The following MKI67 variants were observed in gnomAD, a reference collection of about 807,000 sequenced individuals.
MKI67 encodes proliferation marker protein Ki-67.
In MKI67, 152 loss-of-function variants were observed where a neutral mutation model predicts 233.5. The observed-to-expected ratio is 0.65, with a 90% CI of 0.57 to 0.74. The LOEUF is 0.74. MKI67 is among the 30% of genes least tolerant of loss of function. The probability of loss-of-function intolerance (pLI) is 0.00; values close to 1 mark genes in which losing one functional copy is unlikely to be tolerated. For missense variants in MKI67, 3,940 were observed against 3,885.2 expected (o/e 1.01, Z -0.37); for synonymous variants, 1,465 against 1,418.5 (o/e 1.03, Z -0.74).
rs920281135 is a variant in MKI67, at chr10:128,106,132, G to A, written c.5708C>T (p.Ala1903Val). ...TACTGCTGCTTTAGGCGTGTGCATG[G>A]CTTTGCCTGCTGATGGTGTTAGTTT... Reference protein sequence around the residue: ...FRKLTPSAGKAMHTPKAAVGE... With the variant: ...FRKLTPSAGKVMHTPKAAVGE... The change falls in exon 13 of 15, where the codon GCC (alanine) becomes GTC (valine). Residue 1903 changes from alanine (A) to valine (V), a missense_variant. Transcript: ENST00000368654. 2 of 1,614,056 alleles carry A rather than the reference G, an allele frequency of 1.2e-6. No homozygotes were observed. Among genetic ancestry groups the A allele is most frequent in the Non-Finnish European group, 1.7e-6 (2 of 1,180,034 alleles).
rs1406487092 is a variant in MKI67, at chr10:128,105,905, C to T, written c.5935G>A (p.Val1979Ile). ...TCTGGTTGTGGAGATTTGCAGGATA[C>T]TTCTGTGATTTTGTCATCGGTCATT... ...ESMTDDKITEVSCKSPQPDPV... is the reference protein window; with the variant it reads ...ESMTDDKITEISCKSPQPDPV... Residue 1979 changes from valine (V) to isoleucine (I), a missense_variant, in exon 13 of 15, where the codon GTA becomes ATA. Transcript: ENST00000368654. The T allele has an allele frequency of 3.1e-6, 5 of 1,612,718 alleles. No homozygotes were observed. The South Asian group carries it at 5.5e-5, about 18-fold the overall frequency.
At chr10:128,122,860 G>C in intron 4 of MKI67, 21 bp downstream of exon 4, 1 of 1,239,966 alleles carries the variant, frequency 8.1e-7, no homozygotes, top group Non-Finnish European at 1.2e-6. Flanking sequence ...TTTACTGTTA[G>C]ACCAATCAGC....
rs2136129125 is a variant in MKI67 at position 128,104,409 on chromosome 10, G to A, written c.7431C>T (p.Ser2477=). The change falls in exon 13 of 15, where the codon AGC becomes AGT. Residue 2477 remains serine, a synonymous_variant. Transcript: ENST00000368654. ...GGGGTATCTTGAGCCTTTGCTTGGAGCTTCTTGAGGTTTTGAATGACTCTG... is the reference window on the plus strand; with the variant it reads ...GGGGTATCTTGAGCCTTTGCTTGGAACTTCTTGAGGTTTTGAATGACTCTG... The part of the protein sequence containing the change: ...PQPESFKTSR[S]SKQRLKIPLV... 2 of 1,613,994 alleles carry A rather than the reference G, an allele frequency of 1.2e-6. No individual in the cohort carries two copies. The highest frequency in any genetic ancestry group is 2.2e-5 in the South Asian group (2 of 91,070).
Position 128,105,825 on chromosome 10 carries a change from T to C in MKI67, c.6015A>G (p.Lys2005=). Reference sequence around the variant, plus strand: ...GTAGGACCTCTTCTTTCACACCTACTTTCCCCAAGGATATCTTGAGTCGTT... The same window carrying C: ...GTAGGACCTCTTCTTTCACACCTACCTTCCCCAAGGATATCTTGAGTCGTT... The part of the protein sequence containing the change: ...SKQRLKISLG[K]VGVKEEVLPV... Residue 2005 remains lysine, a synonymous_variant, in exon 13 of 15, where the codon AAA becomes AAG. Transcript: ENST00000368654. 1 of 1,614,214 alleles carries C rather than the reference T, an allele frequency of 6.2e-7. No homozygotes were observed.
At chr10:128,111,239 G>A (rs1852668227) in intron 11 of MKI67, among the ~76,000 whole-genome samples, 1 of 152,162 alleles carries the variant, frequency 6.6e-6, no homozygotes, top group Non-Finnish European at 1.5e-5. Flanking sequence ...AGAAAGTTAA[G>A]CTACCTAGAA....
In MKI67 at chr10:128,104,175, A is replaced by G; in HGVS notation, c.7665T>C (p.Ala2555=). The part of the protein sequence containing the change: ...QLRTRKEKAR[A]LEDLVDFKEL... ...CTTTGAAGTCAACCAGGTCTTCTAG[A>G]GCACGGGCCTTTTCCTTACGAGTTC... Residue 2555 remains alanine (A), a synonymous_variant, in exon 13 of 15, where the codon GCT becomes GCC. Transcript: ENST00000368654. 1 of 1,613,802 alleles carries G rather than the reference A, an allele frequency of 6.2e-7. No homozygotes were observed. Among genetic ancestry groups the G allele is most frequent in the Non-Finnish European group, 8.5e-7 (1 of 1,179,948 alleles).
In MKI67 at chr10:128,106,264, CAG is replaced by C; in HGVS notation, c.5574_5575del (p.Cys1859GlnfsTer49). ...CGCTGGGTCTGATTGCGGAGATTTG[CAG>C]AGTATTTTTTTGGTAGTTTTCTCAT... is the stretch of plus-strand genomic sequence containing the variant. On this transcript the variant is annotated frameshift_variant, in exon 13 of 15. Transcript: ENST00000368654. LOFTEE classifies it high-confidence loss of function. 1 of 1,612,508 alleles carries C rather than the reference CAG, an allele frequency of 6.2e-7. No individual in the cohort carries two copies. The highest frequency in any genetic ancestry group is 8.5e-7 in the Non-Finnish European group (1 of 1,179,642).
rs1042756194 is a variant in MKI67, at chr10:128,104,799, T to C, written c.7041A>G (p.Pro2347=). ...TTKIACKSPQ[P]DPVDTPASTK... is the part of the protein sequence containing the mutation. ...TGCTTGCTGGGGTGTCCACTGGGTC[T>C]GGTTGTGGAGATTTGCAGGCTATTT... is the stretch of plus-strand genomic sequence containing the variant. Residue 2347 remains proline, a synonymous_variant, in exon 13 of 15, where the codon CCA becomes CCG. Transcript: ENST00000368654. 2 of 1,613,598 alleles carry C rather than the reference T, an allele frequency of 1.2e-6. No homozygotes were observed. The highest frequency in any genetic ancestry group is 2.7e-5 in the African/African-American group (2 of 74,718).
rs61729184 is a variant in MKI67 at position 128,105,627 on chromosome 10, T to C, written c.6213A>G (p.Gln2071=). ...RWPRTPKEEA[Q]SLEDLAGFKE... is the part of the protein sequence containing the mutation. ...TGAAGCCGGCCAGGTCTTCTAGTGATTGGGCCTCTTCCTTAGGTGTTCTTG... is the reference window on the plus strand; with the variant it reads ...TGAAGCCGGCCAGGTCTTCTAGTGACTGGGCCTCTTCCTTAGGTGTTCTTG... The change falls in exon 13 of 15, where the codon CAA becomes CAG. Residue 2071 remains glutamine, a synonymous_variant. Coordinates refer to ENST00000368654, the MANE Select transcript of MKI67 (RefSeq NM_002417.5). 3,291 of 1,612,320 alleles carry C rather than the reference T, an allele frequency of 2.0e-3. 63 individuals carry two copies. The African/African-American group carries it at 0.039, about 19-fold the overall frequency.
rs772499094 is a variant in MKI67, at chr10:128,112,158, ACTT to A, written c.1941_1943del (p.Arg647del). The A allele has an allele frequency of 2.5e-6, 4 of 1,613,938 alleles. No homozygotes were observed. In the South Asian group the frequency reaches 3.3e-5, roughly 13 times the overall value. On this transcript the variant is annotated inframe_deletion, in exon 9 of 15. Transcript: ENST00000368654. ...CAATCAGATTTGCTTCCGAAGCACC[ACTT>A]CTTCTTTTGGAACATATCATCTGTA...
At position 128,111,761 on chromosome 10, in the gene MKI67, C is replaced by T. The variant is rs1317648419; in HGVS notation, c.2144G>A (p.Cys715Tyr). 1.2e-6 allele frequency: 2 copies of T among 1,614,144 alleles called. No homozygotes were observed. The highest frequency in any genetic ancestry group is 1.7e-5 in the Admixed American group (1 of 60,018). ...QFSTGHANSP[C>Y]TIIIGKAHTE... ...ATGAGCTTTCCCTATTATTATGGTA[C>T]AAGGAGAGTTTGCGTGGCCTGTACT... is the stretch of plus-strand genomic sequence containing the variant. Residue 715 changes from cysteine (C) to tyrosine (Y), a missense_variant, in exon 11 of 15, where the codon TGT (cysteine) becomes TAT (tyrosine). Cys to Tyr is a radical substitution (Grantham distance 194, BLOSUM62 -2). Transcript: ENST00000368654.
rs151030587 is a variant in MKI67, at chr10:128,115,983, G to T, written c.425C>A (p.Ala142Asp). 4 of 1,591,514 alleles carry T rather than the reference G, an allele frequency of 2.5e-6. No homozygotes were observed. Among genetic ancestry groups the T allele is most frequent in the South Asian group, 1.1e-5 (1 of 87,124 alleles). Residue 142 changes from alanine (A) to aspartate (D), a missense_variant, in exon 7 of 15, where the codon GCC becomes GAC. Transcript: ENST00000368654. ...DPDEKAQDSKAYSKITEGKVS... is the reference protein window; with the variant it reads ...DPDEKAQDSKDYSKITEGKVS... ...TTTTCCTTCAGTGATTTTTGAATAG[G>T]CCTTGGAATCTTGAGCTTTCTCATC...
chr10:128,099,910 C>A (rs751684447), intron 14 of MKI67, among the ~76,000 whole-genome samples: 5 of 152,202 alleles, frequency 3.3e-5, no homozygotes, highest in Non-Finnish European at 7.3e-5. Context: ...ACACACCAGG[C>A]CTGGCTCAGC....
chr10:128,110,719 GCA>G (rs1212392103), intron 11 of MKI67, among the ~76,000 whole-genome samples, 186 bp from the exon 12 acceptor site: 1 of 152,222 alleles, frequency 6.6e-6, no homozygotes, highest in African/African-American at 2.4e-5. Flanking sequence ...AAAAAAGAGA[GCA>G]CAGAGAAGAT....
rs756857329 is a variant in MKI67, at chr10:128,111,938, C to G, written c.2077G>C (p.Ala693Pro). The G allele has an allele frequency of 4.3e-6, 7 of 1,611,088 alleles. No individual in the cohort carries two copies. The highest frequency in any genetic ancestry group is 3.3e-5 in the South Asian group (3 of 90,188). Reference sequence around the variant, plus strand: ...AGTGAGGCCCCTACCTTTGGAGTAGCAGGTCTTCTTTGCCTTTTGTTCATT... The same window carrying G: ...AGTGAGGCCCCTACCTTTGGAGTAGGAGGTCTTCTTTGCCTTTTGTTCATT... ...RSMNKRQRRP[A>P]TPKKPVGEVH... Residue 693 changes from alanine (A) to proline (P), a missense_variant, in exon 10 of 15, where the codon GCT becomes CCT. Transcript: ENST00000368654.
Position 128,108,795 on chromosome 10 carries a change from TA to T in MKI67, c.3044del (p.Ile1015LysfsTer11). 1 of 1,614,188 alleles carries T rather than the reference TA, an allele frequency of 6.2e-7. No homozygotes were observed. The highest frequency in any genetic ancestry group is 8.5e-7 in the Non-Finnish European group (1 of 1,180,032). ...MPCQSLQPEPINTPTHTKQQL... is the reference protein window; with the variant it reads ...MPCQSLQPEPXNTPTHTKQQL... Reference sequence around the variant, plus strand: ...GTTGTTTTGTGTGTGTTGGGGTGTTTATTGGTTCTGGTTGTAATGACTGGCA... The same window carrying T: ...GTTGTTTTGTGTGTGTTGGGGTGTTTTTGGTTCTGGTTGTAATGACTGGCA... On this transcript the variant is annotated frameshift_variant, in exon 13 of 15. Coordinates refer to ENST00000368654, the MANE Select transcript of MKI67 (RefSeq NM_002417.5). LOFTEE classifies it high-confidence loss of function.
chr10:128,117,519 A>T (rs1323154876), intron 5 of MKI67, among the ~76,000 whole-genome samples: 1 of 152,210 alleles, frequency 6.6e-6, no homozygotes, highest in Non-Finnish European at 1.5e-5. Context: ...AAAGAATAAC[A>T]TATATATATA....
rs776927270 is a variant in MKI67, at chr10:128,110,478, T to G, written c.2316A>C (p.Thr772=). The G allele has an allele frequency of 1.1e-5, 17 of 1,581,792 alleles. No homozygotes were observed. In the Middle Eastern group the frequency reaches 5.0e-4, roughly 47 times the overall value. The change falls in exon 12 of 15, where the codon ACA becomes ACC. Residue 772 remains threonine (T), a synonymous_variant. Coordinates refer to ENST00000368654, the MANE Select transcript of MKI67 (RefSeq NM_002417.5). ...CTGAATTTGAAATAGCGATGTGACA[T>G]GTGCTTGTCAACTGCGGTTGCTCCT... ...PVKEQPQLTS[T]CHIAISNSEN...
rs1853046739 is a variant in MKI67, at chr10:128,125,983, A to C, written c.-90+116T>G. ...CGAGACGCCCTCGCCAGAGCCCAGG[A>C]GGAGTCGGGCCCAGGCCGCGCGTCT... On this transcript the variant is annotated intron_variant, in intron 1 of 14. Coordinates refer to ENST00000368654, the MANE Select transcript of MKI67 (RefSeq NM_002417.5). This position sits in a 1 kb window ranked among gnomAD's most constrained non-coding sequence, Gnocchi z 5.3. The C allele has an allele frequency of 2.6e-6, 1 of 391,748 alleles. No homozygotes were observed. The highest frequency in any genetic ancestry group is 6.2e-5 in the East Asian group (1 of 16,166). The allele number at this position is 391,748 out of a possible 1,614,324, so 24.3% of individuals were successfully genotyped here.
Sources: allele counts gnomAD v4.1 joint callset (sites outside exome capture counted in the v4.1 genomes callset), GRCh38; gene constraint gnomAD v4.1.1; non-coding constraint Gnocchi (gnomAD v3.1); transcripts MANE v1.5; gene names NCBI Gene and HGNC (gene_info 2026-07-23, HGNC 2026-07-21).